Variants in C8orf34 observed in about 807,000 individuals in gnomAD.
C8orf34 encodes uncharacterized protein C8orf34.
Under a neutral mutation model 68.3 loss-of-function variants are expected in C8orf34, and 65 were observed. The ratio of observed to expected loss-of-function variants is 0.95; its 90% CI spans 0.78 to 1.17. C8orf34 has a LOEUF of 1.17. Ranked by LOEUF, C8orf34 falls within the 50% of genes most tolerant of loss-of-function variation. The pLI is 0.00. For missense variants in C8orf34, 664 were observed against 655.4 expected (o/e 1.01, Z -0.14); for synonymous variants, 244 against 241.2 (o/e 1.01, Z -0.11).
chr8:68,675,926 A>C (rs1820174173), intron 8 of C8orf34, among the ~76,000 whole-genome samples: 2 of 152,204 alleles, frequency 1.3e-5, no homozygotes, highest in Admixed American at 1.3e-4. Flanking sequence ...ACCAAAAAAG[A>C]GCAGGAGTAG....
chr8:68,722,049 A>G (rs1328207279), intron 10 of C8orf34, among the ~76,000 whole-genome samples: 1 of 152,074 alleles, frequency 6.6e-6, no homozygotes, highest in African/African-American at 2.4e-5. Context: ...TTAATTTGCT[A>G]GGGCTGCCAT....
chr8:68,797,544 A>AAC, intron 12 of C8orf34, among the ~76,000 whole-genome samples: 1 of 149,844 alleles, frequency 6.7e-6, no homozygotes, highest in Middle Eastern at 3.4e-3. Context: ...TTCACCTTTA[A>AAC]AAAAAAAAAA....
At chr8:68,639,441 C>G (rs1394509563) in intron 7 of C8orf34, among the ~76,000 whole-genome samples, 2 of 151,672 alleles carry the variant, frequency 1.3e-5, no homozygotes, top group Non-Finnish European at 2.9e-5. Flanking sequence ...TTGTAATATC[C>G]AATTAAAACG....
chr8:68,335,079 C>G (rs1475228707), intron 1 of C8orf34, among the ~76,000 whole-genome samples: 1 of 152,038 alleles, frequency 6.6e-6, no homozygotes, highest in South Asian at 2.1e-4. Flanking sequence ...TCGTTGTTCC[C>G]CCTCTCATAA....
intron 1 of C8orf34, among the ~76,000 whole-genome samples, chr8:68,337,900 T>A (rs1459554250): frequency 6.6e-6 from 1 of 152,166 alleles, no homozygotes; most frequent in African/African-American, 2.4e-5. Flanking sequence ...ATTTAAACAA[T>A]AAATGCACAA....
At chr8:68,370,602 C>A (rs928753934) in intron 1 of C8orf34, among the ~76,000 whole-genome samples, 1 of 152,162 alleles carries the variant, frequency 6.6e-6, no homozygotes, top group Non-Finnish European at 1.5e-5. Flanking sequence ...ATGATAAATT[C>A]ACTTCACTAT....
intron 5 of C8orf34, among the ~76,000 whole-genome samples, chr8:68,514,419 A>G (rs16934676): frequency 0.18 from 26,915 of 152,124 alleles, 5,016 homozygotes; most frequent in African/African-American, 0.47. Context: ...TGGTATTATC[A>G]TGCAAGGCAA....
chr8:68,556,244 G>T (rs1208585126), intron 7 of C8orf34, among the ~76,000 whole-genome samples: 7 of 148,110 alleles, frequency 4.7e-5, no homozygotes, highest in Admixed American at 4.0e-4. Context: ...AGTAAACCAA[G>T]CTACTATCTA....
chr8:68,457,035 T>C (rs1811584133), intron 3 of C8orf34, among the ~76,000 whole-genome samples: 1 of 152,164 alleles, frequency 6.6e-6, no homozygotes, highest in South Asian at 2.1e-4. Context: ...AAATTTATAA[T>C]CCAGATGAGA....
intron 8 of C8orf34, among the ~76,000 whole-genome samples, chr8:68,648,573 A>G (rs1420534563): frequency 6.6e-6 from 1 of 152,154 alleles, no homozygotes; most frequent in South Asian, 2.1e-4. Flanking sequence ...GGGTGGTAAG[A>G]TGCTATTTGC....
At chr8:68,617,354 T>C (rs1419451401) in intron 7 of C8orf34, among the ~76,000 whole-genome samples, 3 of 152,222 alleles carry the variant, frequency 2.0e-5, no homozygotes, top group African/African-American at 7.2e-5. Flanking sequence ...TTTTGCTCGT[T>C]AGTTGATGCA....
At chr8:68,342,485 T>C (rs1454008251) in intron 1 of C8orf34, among the ~76,000 whole-genome samples, 2 of 152,190 alleles carry the variant, frequency 1.3e-5, no homozygotes, top group Non-Finnish European at 2.9e-5. Flanking sequence ...GCTCTCAAAC[T>C]CAGCAGTGTA....
chr8:68,332,029 G>T (rs965045021), intron 1 of C8orf34, among the ~76,000 whole-genome samples: 10 of 151,452 alleles, frequency 6.6e-5, no homozygotes, highest in African/African-American at 1.7e-4. Flanking sequence ...AAGGGACGGA[G>T]AAAGGTTCTG....
At chr8:68,541,720 T>A (rs1483283201) in intron 7 of C8orf34, among the ~76,000 whole-genome samples, 2 of 152,178 alleles carry the variant, frequency 1.3e-5, no homozygotes, top group Non-Finnish European at 2.9e-5. Flanking sequence ...TACTTCTAAT[T>A]TCTTCCCTTC....
At chr8:68,759,507 G>T (rs1822966229) in intron 10 of C8orf34, among the ~76,000 whole-genome samples, 1 of 152,188 alleles carries the variant, frequency 6.6e-6, no homozygotes, top group South Asian at 2.1e-4. Flanking sequence ...TGCCAAAAGT[G>T]AGAGCTTTCT....
chr8:68,614,969 C>T (rs1049012246), intron 7 of C8orf34, among the ~76,000 whole-genome samples: 151 of 147,122 alleles, frequency 1.0e-3, no homozygotes, highest in Middle Eastern at 7.2e-3. Flanking sequence ...TTTCATTGAG[C>T]AGTGGTTTGC....
chr8:68,741,046 A>G (rs1822275367), intron 10 of C8orf34, among the ~76,000 whole-genome samples: 1 of 152,166 alleles, frequency 6.6e-6, no homozygotes, highest in African/African-American at 2.4e-5. Flanking sequence ...ACATGGACAC[A>G]TAGAGGGGGA....
chr8:68,690,709 T>C (rs1820661988), intron 8 of C8orf34, among the ~76,000 whole-genome samples: 1 of 152,018 alleles, frequency 6.6e-6, no homozygotes, highest in South Asian at 2.1e-4. Context: ...ATATAAATTT[T>C]ATCAGGGGGA....
chr8:68,523,516 A>G (rs1166667102), intron 6 of C8orf34, among the ~76,000 whole-genome samples: 1 of 151,992 alleles, frequency 6.6e-6, no homozygotes, highest in Non-Finnish European at 1.5e-5. Context: ...TTTCAGCTTT[A>G]TTTTGCTCTG....
Sources: allele counts gnomAD v4.1 joint callset (sites outside exome capture counted in the v4.1 genomes callset), GRCh38; gene constraint gnomAD v4.1.1; transcripts MANE v1.5; gene names NCBI Gene and HGNC (gene_info 2026-07-23, HGNC 2026-07-21).